The following PKNOX2 variants were observed in gnomAD, a reference collection of about 807,000 sequenced individuals.
The protein encoded by PKNOX2 is PBX/knotted 1 homeobox 2.
Under a neutral mutation model 53.1 loss-of-function variants are expected in PKNOX2, and 14 were observed. The observed-to-expected ratio is 0.26, with a 90% CI of 0.17 to 0.41. PKNOX2 has a LOEUF of 0.41. Among genes scored for constraint, PKNOX2 ranks in the 10% least tolerant of loss-of-function variants. The pLI, the probability that PKNOX2 is intolerant of heterozygous loss-of-function variation, is 1.00. For synonymous variants in PKNOX2, 257 were observed against 242.8 expected (o/e 1.06, Z -0.54); for missense variants, 496 against 602.8 (o/e 0.82, Z 1.85).
intron 2 of PKNOX2, among the ~76,000 whole-genome samples, chr11:125,322,218 G>GTA (rs1409061034): frequency 6.6e-6 from 1 of 151,548 alleles, no homozygotes; most frequent in Non-Finnish European, 1.5e-5. Context: ...AAAAAAAAAC[G>GTA]TATATATATG....
intron 5 of PKNOX2, among the ~76,000 whole-genome samples, chr11:125,381,190 G>C (rs978463358): frequency 2.6e-5 from 4 of 152,198 alleles, no homozygotes; most frequent in Admixed American, 6.5e-5. Flanking sequence ...CCATGACCAT[G>C]GATCACAGGA....
chr11:125,215,997 T>G (rs1280211230), intron 1 of PKNOX2, among the ~76,000 whole-genome samples: 1 of 152,236 alleles, frequency 6.6e-6, no homozygotes, highest in Non-Finnish European at 1.5e-5. Context: ...TGCTTGCTGC[T>G]GACTTGAATT....
chr11:125,173,500 C>T (rs533152521), intron 1 of PKNOX2, among the ~76,000 whole-genome samples: 1 of 152,342 alleles, frequency 6.6e-6, no homozygotes, highest in East Asian at 1.9e-4. Context: ...CTACCTAGTC[C>T]TCTCCCAAGA....
intron 1 of PKNOX2, among the ~76,000 whole-genome samples, chr11:125,221,421 G>A (rs1201971180): frequency 6.6e-6 from 1 of 152,172 alleles, no homozygotes; most frequent in Non-Finnish European, 1.5e-5. Context: ...CCCCTTTGGT[G>A]AGAACAGCAG....
intron 2 of PKNOX2, among the ~76,000 whole-genome samples, chr11:125,288,637 C>T (rs915084969): frequency 6.6e-6 from 1 of 152,188 alleles, no homozygotes; most frequent in Admixed American, 6.5e-5. Flanking sequence ...CCTTCCCCTC[C>T]TTGGAACTGG....
At chr11:125,312,040 A>G (rs771432965) in intron 2 of PKNOX2, among the ~76,000 whole-genome samples, 1 of 152,202 alleles carries the variant, frequency 6.6e-6, no homozygotes, top group Non-Finnish European at 1.5e-5. Context: ...TGGACCTCAG[A>G]TCCAGCACTT....
At chr11:125,260,472 C>T (rs976600880) in intron 2 of PKNOX2, among the ~76,000 whole-genome samples, 1 of 151,696 alleles carries the variant, frequency 6.6e-6, no homozygotes, top group African/African-American at 2.4e-5. Context: ...GCTGGGATTA[C>T]AGACGTGAGC....
In PKNOX2 at chr11:125,335,513, C is replaced by T. The variant is rs61917778; in HGVS notation, c.-23+3588C>T. ...TCACTCCCCTCTCTGCTTCCCTCCA[C>T]GAGATATTTGTGTAGAAAGCTGTTC... On this transcript the variant is annotated intron_variant, in intron 3 of 12. Transcript: ENST00000298282. Among the ~76,000 whole-genome samples the T allele has an allele frequency of 2.8e-3, 424 of 152,278 alleles. 4 individuals are homozygous for T. The highest frequency in any genetic ancestry group is 0.014 in the Middle Eastern group (4 of 294).
intron 2 of PKNOX2, among the ~76,000 whole-genome samples, chr11:125,275,878 G>T (rs1397726043): frequency 1.3e-5 from 2 of 152,182 alleles, no homozygotes; most frequent in African/African-American, 4.8e-5. Context: ...TGGAGATGGG[G>T]ATGTGAGAGA....
chr11:125,319,302 C>T (rs1241537134), intron 2 of PKNOX2, among the ~76,000 whole-genome samples: 1 of 152,152 alleles, frequency 6.6e-6, no homozygotes, highest in Non-Finnish European at 1.5e-5. Context: ...TCAAAGATCA[C>T]TCATCACAGA....
At chr11:125,399,384 C>T (rs1407025222) in intron 7 of PKNOX2, among the ~76,000 whole-genome samples, 1 of 152,208 alleles carries the variant, frequency 6.6e-6, no homozygotes, top group African/African-American at 2.4e-5. Flanking sequence ...ACAATAATTG[C>T]TCAACGAGCA....
At chr11:125,174,857 A>T (rs1351758046) in intron 1 of PKNOX2, among the ~76,000 whole-genome samples, 1 of 151,522 alleles carries the variant, frequency 6.6e-6, no homozygotes, top group Non-Finnish European at 1.5e-5. Flanking sequence ...CCCCTCTCCC[A>T]CTCTGCCCCC....
intron 2 of PKNOX2, among the ~76,000 whole-genome samples, chr11:125,325,268 G>A (rs112675785): frequency 8.2e-4 from 125 of 152,252 alleles, no homozygotes; most frequent in African/African-American, 2.8e-3. Flanking sequence ...ATAGATGCAC[G>A]TTGATCCTGA....
intron 2 of PKNOX2, among the ~76,000 whole-genome samples, chr11:125,283,687 G>T (rs1426084834): frequency 6.6e-6 from 1 of 152,190 alleles, no homozygotes; most frequent in East Asian, 1.9e-4. Context: ...TGGAAGAACA[G>T]AAGTGTCACT....
chr11:125,211,650 C>T (rs1939862781), intron 1 of PKNOX2, among the ~76,000 whole-genome samples: 1 of 152,090 alleles, frequency 6.6e-6, no homozygotes, highest in South Asian at 2.1e-4. Context: ...GCCCTCCTGG[C>T]CCCTGCAGCT....
intron 1 of PKNOX2, among the ~76,000 whole-genome samples, chr11:125,220,412 G>A (rs1291007082): frequency 6.6e-6 from 1 of 152,216 alleles, no homozygotes; most frequent in Non-Finnish European, 1.5e-5. Flanking sequence ...TGGCAGTGGA[G>A]ACAGAAGGGA....
Position 125,410,251 on chromosome 11 carries a change from G to C in PKNOX2, c.644G>C (p.Gly215Ala). Residue 215 changes from glycine (G) to alanine (A), a missense_variant, in exon 8 of 13, where the codon GGG (glycine) becomes GCG (alanine). Physicochemically the swap from Gly to Ala is moderately conservative, Grantham distance 60. This residue lies in a region of PKNOX2 where 141 missense variants were observed against 143.9 expected (regional missense o/e 0.98). Transcript: ENST00000298282. ...TCCGGAGTCTCCAATAACCCCCAGG[G>C]GATTGTGGTCCCAGCCTCAGCGCTC... is the stretch of plus-strand genomic sequence containing the variant. The part of the protein sequence containing the change: ...SMSGVSNNPQ[G>A]IVVPASALQQ... 6.2e-7 allele frequency: 1 copy of C among 1,614,090 alleles called. No homozygotes were observed. The highest frequency in any genetic ancestry group is 1.3e-5 in the African/African-American group (1 of 75,030).
chr11:125,369,767 G>T (rs575519868), intron 5 of PKNOX2, among the ~76,000 whole-genome samples: 3 of 152,314 alleles, frequency 2.0e-5, no homozygotes, highest in Admixed American at 1.3e-4. Flanking sequence ...ACCTGGGCAA[G>T]GTGCAGTGGG....
In PKNOX2 at chr11:125,215,170, A is replaced by G. The variant is rs574815834; in HGVS notation, c.-200-19875A>G. 3.3e-5 allele frequency among the ~76,000 whole-genome samples: 5 copies of G among 152,194 alleles called. No individual in the cohort carries two copies. The South Asian group carries it at 1.0e-3, about 32-fold the overall frequency. On this transcript the variant is annotated intron_variant, in intron 1 of 12. Transcript: ENST00000298282. ...GAGGCTCTCGGATTGTCCAAATATC[A>G]GCTTGCTGCAAGAAGGCTGTTCTTC... is the stretch of plus-strand genomic sequence containing the variant.
Sources: gnomAD v4.1 joint callset for allele counts (sites outside exome capture counted in the v4.1 genomes callset) on GRCh38, gnomAD v4.1.1 for gene constraint, gnomAD v4.1.1 regional missense constraint, MANE v1.5 for transcripts, NCBI Gene and HGNC (gene_info 2026-07-23, HGNC 2026-07-21) for gene names.